The following OPRM1 variants were observed in gnomAD, a reference collection of about 807,000 sequenced individuals.
The protein encoded by OPRM1 is mu-type opioid receptor.
Under a neutral mutation model 31.8 loss-of-function variants are expected in OPRM1, and 27 were observed. That is an observed-to-expected ratio of 0.85 (90% CI 0.63 to 1.17). The LOEUF is 1.17. Among genes scored for constraint, OPRM1 ranks in the 50% most tolerant of loss-of-function variants. OPRM1 has a pLI of 0.00. For synonymous variants in OPRM1, 196 were observed against 189.9 expected (o/e 1.03, Z -0.26); for missense variants, 536 against 511.1 (o/e 1.05, Z -0.47).
exon 4 of OPRM1, chr6:154,246,811 G>A (rs1781077784): frequency 6.9e-6 from 11 of 1,584,908 alleles, no homozygotes; most frequent in Non-Finnish European, 9.5e-6. Flanking sequence ...GATTTGGTAG[G>A]TAAAGTATTA....
intron 3 of OPRM1, among the ~76,000 whole-genome samples, chr6:154,139,392 C>T (rs1798141425): frequency 6.6e-6 from 1 of 152,076 alleles, no homozygotes; most frequent in Non-Finnish European, 1.5e-5. Flanking sequence ...AAATGGTTTC[C>T]CTTTTGAAAA....
chr6:154,086,306 CTG>C lies in OPRM1; in HGVS notation c.291-3519_291-3518del, dbSNP rs1002161811. ...TTGCTGTGATCCAAAGCATGAGTAA[CTG>C]GGGTAAGAATGCTGGCTATCTTTAG... On this transcript the variant is annotated intron_variant, in intron 1 of 3. Coordinates refer to ENST00000330432, the MANE Select transcript of OPRM1 (RefSeq NM_000914.5). Among the ~76,000 whole-genome samples, 88 of 152,112 alleles carry C rather than the reference CTG, an allele frequency of 5.8e-4. 1 individual carries two copies. Among genetic ancestry groups the C allele is most frequent in the Non-Finnish European group, 1.3e-4 (9 of 68,022 alleles).
intron 1 of OPRM1, among the ~76,000 whole-genome samples, chr6:154,067,200 G>A (rs1335338789): frequency 6.6e-6 from 1 of 150,980 alleles, no homozygotes; most frequent in Non-Finnish European, 1.5e-5. Context: ...CCTTCCTTCT[G>A]CTAGCTTTCT....
At chr6:154,176,221 G>C (rs1800315621) in intron 3 of OPRM1, among the ~76,000 whole-genome samples, 1 of 152,156 alleles carries the variant, frequency 6.6e-6, no homozygotes, top group South Asian at 2.1e-4. Context: ...ATATCATACT[G>C]AATGGGCAAA....
chr6:154,047,438 TTC>T (rs61704475), intron 1 of OPRM1, among the ~76,000 whole-genome samples: 4,347 of 144,834 alleles, frequency 0.03, 138 homozygotes, highest in African/African-American at 0.086. Context: ...GTGGGCAAAA[TTC>T]TCTCTCTCTC....
At chr6:154,188,049 T>C (rs1801536966) in intron 3 of OPRM1, among the ~76,000 whole-genome samples, 1 of 152,134 alleles carries the variant, frequency 6.6e-6, no homozygotes, top group South Asian at 2.1e-4. Context: ...GTAGCAGATA[T>C]AGTGTTTGGA....
intron 3 of OPRM1, among the ~76,000 whole-genome samples, chr6:154,152,368 GAAAGAAAGAAAGAAAGAAAGAA>G (rs1798554109): frequency 6.8e-6 from 1 of 146,682 alleles, no homozygotes; most frequent in African/African-American, 2.7e-5. Flanking sequence ...AAGAAAGAAA[GAAAGAAAGAAAGAAAGAAAGAA>G]AGAGAAATAG....
intron 3 of OPRM1, among the ~76,000 whole-genome samples, chr6:154,142,270 G>A (rs58506222): frequency 3.9e-5 from 2 of 51,664 alleles, no homozygotes; most frequent in African/African-American, 1.3e-4. Context: ...GTCGCAGCCA[G>A]CGCCAGGGAG....
intron 3 of OPRM1, among the ~76,000 whole-genome samples, chr6:154,203,334 C>T (rs538170355): frequency 1.4e-4 from 22 of 152,316 alleles, no homozygotes; most frequent in African/African-American, 4.8e-4. Context: ...TTGCCTGGTG[C>T]TTCTGCGGTT....
intron 1 of OPRM1, among the ~76,000 whole-genome samples, chr6:154,050,623 G>C (rs530813461): frequency 9.2e-5 from 14 of 152,098 alleles, no homozygotes; most frequent in African/African-American, 3.1e-4. Context: ...GGGGCTGATG[G>C]GGGGCTGGGA....
chr6:154,039,506 G>C lies in OPRM1; in HGVS notation c.-39G>C. 1.3e-6 allele frequency: 2 copies of C among 1,581,986 alleles called. No individual in the cohort carries two copies. Among genetic ancestry groups the C allele is most frequent in the Non-Finnish European group, 1.7e-6 (2 of 1,163,914 alleles). ...AACCCGAAAAGTCTCGGTGCTCCTG[G>C]CTACCTCGCACAGCGGTGCCCGCCC... On this transcript the variant is annotated 5_prime_UTR_variant, in exon 1 of 4. Coordinates refer to ENST00000330432, the MANE Select transcript of OPRM1 (RefSeq NM_000914.5).
intron 3 of OPRM1, among the ~76,000 whole-genome samples, chr6:154,177,209 G>A (rs568536537): frequency 1.1e-4 from 16 of 152,128 alleles, no homozygotes; most frequent in African/African-American, 2.2e-4. Context: ...AGGCAATACC[G>A]TTCAGGACAT....
chr6:154,221,502 A>G (rs1778854289), intron 3 of OPRM1, among the ~76,000 whole-genome samples: 1 of 152,224 alleles, frequency 6.6e-6, no homozygotes, highest in Non-Finnish European at 1.5e-5. Flanking sequence ...TTTCATATAG[A>G]GAACTAAGAG....
At chr6:154,038,040 T>C (rs1400198694), upstream of OPRM1, among the ~76,000 whole-genome samples, 2 of 152,192 alleles carry the variant, frequency 1.3e-5, no homozygotes, top group East Asian at 3.8e-4. Context: ...GTAAATTATA[T>C]GCTTTAATGT....
At chr6:154,046,732 C>G (rs189972933) in intron 1 of OPRM1, 2 of 152,142 alleles carry the variant, frequency 1.3e-5, no homozygotes, top group Admixed American at 1.3e-4. Flanking sequence ...GGAAGAGAAA[C>G]CTTGCCCTGG....
At position 154,089,762 on chromosome 6, in the gene OPRM1, A is replaced by G. The variant is rs1467914836; in HGVS notation, c.291-64A>G. 4 of 1,107,032 alleles carry G rather than the reference A, an allele frequency of 3.6e-6. No individual in the cohort carries two copies. The Admixed American group carries it at 8.9e-5, about 25-fold the overall frequency. 68.6% of individuals were successfully genotyped at this position (1,107,032 alleles called of 1,614,324 possible). A position where few individuals can be genotyped will look rare whatever the true frequency, so the allele number is the denominator to read the frequency against. On this transcript the variant is annotated intron_variant, in intron 1 of 3. Coordinates refer to ENST00000330432, the MANE Select transcript of OPRM1 (RefSeq NM_000914.5). The stretch of plus-strand genomic sequence containing the variant: ...TAATTCATGCAAATTTATTATTGGA[A>G]GCTTACCTATATTTTACACTAGTGT...
intron 3 of OPRM1, among the ~76,000 whole-genome samples, chr6:154,099,531 A>G (rs1302132699): frequency 6.7e-6 from 1 of 150,226 alleles, no homozygotes; most frequent in East Asian, 2.0e-4. Flanking sequence ...GAGAAAGAGG[A>G]AAGAGAGAGA....
chr6:154,022,541 G>A (rs894276764), intron 1 of OPRM1, among the ~76,000 whole-genome samples: 10 of 144,220 alleles, frequency 6.9e-5, no homozygotes, highest in Non-Finnish European at 1.5e-4. Context: ...TTTGCTGTGA[G>A]GAACCTTTTA....
intron 3 of OPRM1, chr6:154,199,680 T>A (rs773455218): frequency 1.9e-6 from 3 of 1,607,252 alleles, no homozygotes; most frequent in South Asian, 1.1e-5. Flanking sequence ...TTGTCCATGA[T>A]CTTTGATCCA....
Sources: gnomAD v4.1 joint callset for allele counts (sites outside exome capture counted in the v4.1 genomes callset) on GRCh38, gnomAD v4.1.1 for gene constraint, MANE v1.5 for transcripts, NCBI Gene and HGNC (gene_info 2026-07-23, HGNC 2026-07-21) for gene names.